SLC32A1: variants seen among roughly 807,000 people sequenced by gnomAD.
SLC32A1 encodes the protein solute carrier family 32 member 1, also known as vesicular inhibitory amino acid transporter.
In SLC32A1, 8 loss-of-function variants were observed where a neutral mutation model predicts 35.5. The ratio of observed to expected loss-of-function variants is 0.23; its 90% CI spans 0.13 to 0.41. SLC32A1 has a LOEUF of 0.41. Ranked by LOEUF, SLC32A1 falls within the 10% of genes least tolerant of loss-of-function variation. SLC32A1 has a pLI of 1.00. For synonymous variants in SLC32A1, 317 were observed against 326.3 expected (o/e 0.97, Z 0.31); for missense variants, 493 against 722.3 (o/e 0.68, Z 3.64).
At position 38,724,513 on chromosome 20, in the gene SLC32A1, G is replaced by A; in HGVS notation, c.-212G>A. The stretch of plus-strand genomic sequence containing the variant: ...TGCACTAGCCACCACCGCCGCCGCC[G>A]CCGCTCCGCCAGACCTGCTGCCAGC... On this transcript the variant is annotated 5_prime_UTR_variant, in exon 1 of 2. Transcript: ENST00000217420. 3 of 606,008 alleles carry A rather than the reference G, an allele frequency of 5.0e-6. No individual in the cohort carries two copies. Among genetic ancestry groups the A allele is most frequent in the Non-Finnish European group, 8.1e-6 (3 of 371,302 alleles). 37.5% of individuals were successfully genotyped at this position (606,008 alleles called of 1,614,324 possible).
In SLC32A1 at chr20:38,725,004, C is replaced by A; in HGVS notation, c.280C>A (p.Pro94Thr). 1 of 1,574,038 alleles carries A rather than the reference C, an allele frequency of 6.4e-7. No individual in the cohort carries two copies. Residue 94 changes from proline (P) to threonine (T), a missense_variant, in exon 1 of 2, where the codon CCG becomes ACG. This residue lies in a region of SLC32A1 where 133 missense variants were observed against 145.9 expected (regional missense o/e 0.91). Transcript: ENST00000217420. ...HYQRGSGAPL[P>T]PSGSKDQVGG... ...TCAGCGAGGCAGCGGAGCTCCTCTG[C>A]CGCCCTCCGGCTCCAAGGACCAGGT...
In SLC32A1 at chr20:38,728,300, C is replaced by T. The variant is rs899416050; in HGVS notation, c.1239C>T (p.Gly413=). The part of the protein sequence containing the change: ...EVLEKSLFQE[G]SRAFFPACYS... ...TGGAGAAGTCGCTCTTCCAGGAAGG[C>T]AGCCGCGCCTTTTTCCCGGCCTGCT... Residue 413 remains glycine, a synonymous_variant, in exon 2 of 2, where the codon GGC becomes GGT. Transcript: ENST00000217420. 6.2e-7 allele frequency: 1 copy of T among 1,613,544 alleles called. No homozygotes were observed.
At position 38,727,873 on chromosome 20, in the gene SLC32A1, C is replaced by T. The variant is rs2084283437; in HGVS notation, c.812C>T (p.Thr271Ile). The stretch of plus-strand genomic sequence containing the variant: ...GTGTCCAAGTTCAGTCTGCTGTGCA[C>T]TCTGGCCCACTTCGTCATCAATATC... Reference protein sequence around the residue: ...KAVSKFSLLCTLAHFVINILV... With the variant: ...KAVSKFSLLCILAHFVINILV... The change falls in exon 2 of 2, where the codon ACT becomes ATT. Residue 271 changes from threonine (T) to isoleucine (I), a missense_variant. This residue lies in a region of SLC32A1 where 269 missense variants were observed against 445.6 expected (regional missense o/e 0.60). Transcript: ENST00000217420. 1.2e-6 allele frequency: 2 copies of T among 1,614,146 alleles called. No individual in the cohort carries two copies.
intron 1 of SLC32A1, among the ~76,000 whole-genome samples, 180 bp downstream of exon 1, chr20:38,725,294 C>T (rs1448177062): frequency 2.0e-5 from 3 of 152,232 alleles, no homozygotes; most frequent in African/African-American, 7.2e-5. Context: ...CGGTGTTTTC[C>T]GCCCTAACCC....
At chr20:38,727,390 G>A (rs766766143) in intron 1 of SLC32A1, 62 bp from the exon 2 acceptor site, 123 of 1,507,820 alleles carry the variant, frequency 8.2e-5, no homozygotes, top group Non-Finnish European at 1.1e-4. Context: ...ACGCCCCCCG[G>A]GCCCCTCATC....
At position 38,728,668 on chromosome 20, in the gene SLC32A1, C is replaced by T; in HGVS notation, c.*29C>T. On this transcript the variant is annotated 3_prime_UTR_variant, in exon 2 of 2. Transcript: ENST00000217420. Reference sequence around the variant, plus strand: ...GCAAGGGCGAGCCCCCGCCGCGCTTCTGCGCTCTCTCCCTTCTCCCCTCAC... The same window carrying T: ...GCAAGGGCGAGCCCCCGCCGCGCTTTTGCGCTCTCTCCCTTCTCCCCTCAC... 6.4e-7 allele frequency: 1 copy of T among 1,550,462 alleles called. No homozygotes were observed. Among genetic ancestry groups the T allele is most frequent in the Non-Finnish European group, 8.7e-7 (1 of 1,146,386 alleles).
chr20:38,728,694 C>T lies in SLC32A1; in HGVS notation c.*55C>T, dbSNP rs1044472929. 8 of 1,480,982 alleles carry T rather than the reference C, an allele frequency of 5.4e-6. No homozygotes were observed. In the African/African-American group the frequency reaches 9.8e-5, roughly 18 times the overall value. 91.7% of individuals were successfully genotyped at this position (1,480,982 alleles called of 1,614,324 possible). ...TGCGCTCTCTCCCTTCTCCCCTCAC[C>T]CCGCCCCCACCAGCCCAGTGCGCCC... is the stretch of plus-strand genomic sequence containing the variant. On this transcript the variant is annotated 3_prime_UTR_variant, in exon 2 of 2. Coordinates refer to ENST00000217420, the MANE Select transcript of SLC32A1 (RefSeq NM_080552.3).
Position 38,727,973 on chromosome 20 carries a change from G to C in SLC32A1, c.912G>C (p.Lys304Asn). Residue 304 changes from lysine (K) to asparagine (N), a missense_variant, in exon 2 of 2, where the codon AAG becomes AAC. Physicochemically the swap from Lys to Asn is moderately conservative, Grantham distance 94. This residue lies in a region of SLC32A1 where 269 missense variants were observed against 445.6 expected (regional missense o/e 0.60). Coordinates refer to ENST00000217420, the MANE Select transcript of SLC32A1 (RefSeq NM_080552.3). ...AGGTCAAGTTCTACATCGACGTCAA[G>C]AAGTTCCCCATCTCCATTGGCATCA... ...WEKVKFYIDV[K>N]KFPISIGIIV... 1 of 1,614,146 alleles carries C rather than the reference G, an allele frequency of 6.2e-7. No homozygotes were observed. Among genetic ancestry groups the C allele is most frequent in the Non-Finnish European group, 8.5e-7 (1 of 1,180,046 alleles).
chr20:38,728,965 A>G lies in SLC32A1; in HGVS notation c.*326A>G. 2 of 256,596 alleles carry G rather than the reference A, an allele frequency of 7.8e-6. No homozygotes were observed. Among genetic ancestry groups the G allele is most frequent in the South Asian group, 9.4e-5 (1 of 10,586 alleles). 15.9% of individuals were successfully genotyped at this position (256,596 alleles called of 1,614,324 possible). On this transcript the variant is annotated 3_prime_UTR_variant, in exon 2 of 2. Coordinates refer to ENST00000217420, the MANE Select transcript of SLC32A1 (RefSeq NM_080552.3). The stretch of plus-strand genomic sequence containing the variant: ...CAGTCATCGAGGGGGTTGGGAAGGG[A>G]GGGAGAGGGGGCGCAGCTCGCAGGC...
rs2084283511 is a variant in SLC32A1 at position 38,727,891 on chromosome 20, T to C, written c.830T>C (p.Ile277Thr). The C allele has an allele frequency of 6.2e-7, 1 of 1,614,218 alleles. No homozygotes were observed. Among genetic ancestry groups the C allele is most frequent in the Admixed American group, 1.7e-5 (1 of 60,030 alleles). The stretch of plus-strand genomic sequence containing the variant: ...CTGTGCACTCTGGCCCACTTCGTCA[T>C]CAATATCCTGGTCATAGCCTACTGT... ...SLLCTLAHFV[I>T]NILVIAYCLS... Residue 277 changes from isoleucine (I) to threonine (T), a missense_variant, in exon 2 of 2, where the codon ATC (isoleucine) becomes ACC (threonine). By Grantham distance (89) the Ile-to-Thr change is moderately conservative. Coordinates refer to ENST00000217420, the MANE Select transcript of SLC32A1 (RefSeq NM_080552.3).
rs780236153 is a variant in SLC32A1 at position 38,724,834 on chromosome 20, C to A, written c.110C>A (p.Thr37Lys). ...GCCAGGATGGGTTTTCAGGCGGCCA[C>A]GGATGAGGAGGCGGTGGGCTTCGCG... is the stretch of plus-strand genomic sequence containing the variant. The part of the protein sequence containing the change: ...MFARMGFQAA[T>K]DEEAVGFAHC... The change falls in exon 1 of 2, where the codon ACG becomes AAG. Residue 37 changes from threonine (T) to lysine (K), a missense_variant. This residue lies in a region of SLC32A1 where 133 missense variants were observed against 145.9 expected (regional missense o/e 0.91). Coordinates refer to ENST00000217420, the MANE Select transcript of SLC32A1 (RefSeq NM_080552.3). 31 of 1,613,938 alleles carry A rather than the reference C, an allele frequency of 1.9e-5. No homozygotes were observed. The highest frequency in any genetic ancestry group is 2.6e-5 in the Non-Finnish European group (31 of 1,180,002).
At position 38,724,718 on chromosome 20, in the gene SLC32A1, C is replaced by A; in HGVS notation, c.-7C>A. 6.3e-7 allele frequency: 1 copy of A among 1,595,408 alleles called. No homozygotes were observed. The highest frequency in any genetic ancestry group is 8.5e-7 in the Non-Finnish European group (1 of 1,171,310). On this transcript the variant is annotated 5_prime_UTR_variant, in exon 1 of 2. Transcript: ENST00000217420. ...CTTCTGTCCTTTCCGCTGTCCCCAC[C>A]GCCGCCATGGCCACCTTGCTCCGCA...
At position 38,726,162 on chromosome 20, in the gene SLC32A1, C is replaced by A. The variant is rs6128821; in HGVS notation, c.390+1048C>A. Among the ~76,000 whole-genome samples, 64,240 of 152,016 alleles carry A rather than the reference C, an allele frequency of 0.42. 15,888 individuals carry two copies. Among genetic ancestry groups the A allele is most frequent in the Non-Finnish European group, 0.56 (37,739 of 67,902 alleles). The stretch of plus-strand genomic sequence containing the variant: ...GCTGGCAGGCCGCAGCTTTCTGGGC[C>A]GAAGGAGACTTCAGCTCTAGGCAAC... On this transcript the variant is annotated intron_variant, in intron 1 of 1. Coordinates refer to ENST00000217420, the MANE Select transcript of SLC32A1 (RefSeq NM_080552.3). This position sits in a 1 kb window ranked among gnomAD's most constrained non-coding sequence, Gnocchi z 4.7.
intron 1 of SLC32A1, among the ~76,000 whole-genome samples, chr20:38,725,415 G>A (rs2084271609): frequency 2.6e-5 from 4 of 152,250 alleles, no homozygotes; most frequent in Admixed American, 1.3e-4. Flanking sequence ...GGAGCAGGAA[G>A]CGATGAGAAA....
chr20:38,728,864 G>A lies in SLC32A1; in HGVS notation c.*225G>A. 1.9e-6 allele frequency: 1 copy of A among 532,786 alleles called. No individual in the cohort carries two copies. Among genetic ancestry groups the A allele is most frequent in the Non-Finnish European group, 3.3e-6 (1 of 307,300 alleles). The allele number at this position is 532,786 out of a possible 1,614,324, so 33.0% of individuals were successfully genotyped here. ...TGTCCTTTCTTTTCCACAACACCCT[G>A]GTTTTGGGGGGAGGCGGGGTGCATT... On this transcript the variant is annotated 3_prime_UTR_variant, in exon 2 of 2. Coordinates refer to ENST00000217420, the MANE Select transcript of SLC32A1 (RefSeq NM_080552.3).
rs1260681460 is a variant in SLC32A1 at position 38,728,347 on chromosome 20, A to G, written c.1286A>G (p.Lys429Arg). The G allele has an allele frequency of 6.2e-7, 1 of 1,612,738 alleles. No homozygotes were observed. The highest frequency in any genetic ancestry group is 8.5e-7 in the Non-Finnish European group (1 of 1,179,756). ...PACYSGDGRL[K>R]SWGLTLRCAL... ...TGCTACAGCGGCGACGGGCGCCTGA[A>G]GTCCTGGGGGCTGACGCTGCGCTGC... is the stretch of plus-strand genomic sequence containing the variant. The change falls in exon 2 of 2, where the codon AAG becomes AGG. Residue 429 changes from lysine to arginine, a missense_variant. This residue lies in a region of SLC32A1 where 269 missense variants were observed against 445.6 expected (regional missense o/e 0.60). Coordinates refer to ENST00000217420, the MANE Select transcript of SLC32A1 (RefSeq NM_080552.3).
In SLC32A1 at chr20:38,728,585, C is replaced by T; in HGVS notation, c.1524C>T (p.Phe508=). ...VIGGICSVSG[F]VHSLEGLIEA... is the part of the protein sequence containing the mutation. ...GCGGCATCTGCAGCGTGTCCGGCTT[C>T]GTGCACTCCCTCGAGGGCCTCATCG... Residue 508 remains phenylalanine, a synonymous_variant, in exon 2 of 2, where the codon TTC becomes TTT. Transcript: ENST00000217420. The T allele has an allele frequency of 1.2e-6, 2 of 1,612,716 alleles. No homozygotes were observed. Among genetic ancestry groups the T allele is most frequent in the East Asian group, 2.2e-5 (1 of 44,852 alleles).
Position 38,727,875 on chromosome 20 carries a change from C to G in SLC32A1, c.814C>G (p.Leu272Val). ...GTCCAAGTTCAGTCTGCTGTGCACT[C>G]TGGCCCACTTCGTCATCAATATCCT... is the stretch of plus-strand genomic sequence containing the variant. The part of the protein sequence containing the change: ...AVSKFSLLCT[L>V]AHFVINILVI... The change falls in exon 2 of 2, where the codon CTG becomes GTG. Residue 272 changes from leucine (L) to valine (V), a missense_variant. Around this residue, in one of 4 missense-constraint regions of SLC32A1, gnomAD observed 269 missense variants for 445.6 expected, o/e 0.60. Transcript: ENST00000217420. 2 of 1,614,272 alleles carry G rather than the reference C, an allele frequency of 1.2e-6. No homozygotes were observed. Among genetic ancestry groups the G allele is most frequent in the Non-Finnish European group, 8.5e-7 (1 of 1,180,048 alleles).
rs1329760124 is a variant in SLC32A1, at chr20:38,728,567, C to G, written c.1506C>G (p.Ile502Met). ...FDVAIFVIGG[I>M]CSVSGFVHSL... ...TCGCCATCTTCGTCATCGGCGGCAT[C>G]TGCAGCGTGTCCGGCTTCGTGCACT... is the stretch of plus-strand genomic sequence containing the variant. Residue 502 changes from isoleucine (I) to methionine (M), a missense_variant, in exon 2 of 2, where the codon ATC (isoleucine) becomes ATG (methionine). Coordinates refer to ENST00000217420, the MANE Select transcript of SLC32A1 (RefSeq NM_080552.3). The G allele has an allele frequency of 6.2e-7, 1 of 1,613,152 alleles. No individual in the cohort carries two copies. Among genetic ancestry groups the G allele is most frequent in the Non-Finnish European group, 8.5e-7 (1 of 1,179,888 alleles).
Sources: allele counts gnomAD v4.1 joint callset (sites outside exome capture counted in the v4.1 genomes callset), GRCh38; gene constraint gnomAD v4.1.1; regional missense constraint gnomAD v4.1.1; non-coding constraint Gnocchi (gnomAD v3.1); transcripts MANE v1.5; gene names NCBI Gene and HGNC (gene_info 2026-07-23, HGNC 2026-07-21).